Variants in CDH13 observed in about 807,000 individuals in gnomAD.
CDH13 encodes cadherin-13.
CDH13 carries 24 observed loss-of-function variants against 63.8 expected under a neutral mutation model. The ratio of observed to expected loss-of-function variants is 0.38; its 90% CI spans 0.27 to 0.53. The LOEUF (loss-of-function observed/expected upper bound fraction) is 0.53. Ranked by LOEUF, CDH13 falls within the 20% of genes least tolerant of loss-of-function variation. CDH13 has a pLI of 0.85. For missense variants in CDH13, 1,049 were observed against 903.1 expected, an observed-to-expected ratio of 1.16 and a Z score of -2.07; for synonymous variants, 503 against 355.3, an observed-to-expected ratio of 1.42 and a Z score of -4.67.
At chr16:83,239,844 C>T (rs1904304509) in intron 5 of CDH13, among the ~76,000 whole-genome samples, 1 of 152,024 alleles carries the variant, frequency 6.6e-6, no homozygotes, top group Non-Finnish European at 1.5e-5. Flanking sequence ...TTAAACAGGA[C>T]CAGGAGGATG....
intron 3 of CDH13, among the ~76,000 whole-genome samples, chr16:83,125,135 C>G (rs1299119123): frequency 6.6e-6 from 1 of 152,176 alleles, no homozygotes; most frequent in African/African-American, 2.4e-5. Context: ...TAAATCAAGA[C>G]TGTCATTGTG....
At chr16:83,121,753 G>A (rs1488183702) in intron 3 of CDH13, among the ~76,000 whole-genome samples, 1 of 152,152 alleles carries the variant, frequency 6.6e-6, no homozygotes, top group South Asian at 2.1e-4. Context: ...GTTTGGATGG[G>A]TTCCTAGCAG....
At chr16:83,426,756 C>A (rs752363892) in intron 6 of CDH13, among the ~76,000 whole-genome samples, 20 of 151,996 alleles carry the variant, frequency 1.3e-4, no homozygotes, top group South Asian at 1.0e-3. Context: ...GATTATGAGC[C>A]CCTCCCACTT....
In CDH13 at chr16:83,535,546, A is replaced by G. The variant is rs572960072; in HGVS notation, c.960+48891A>G. Among the ~76,000 whole-genome samples the G allele has an allele frequency of 7.5e-4, 115 of 152,324 alleles. No homozygotes were observed. In the Middle Eastern group the frequency reaches 0.014, roughly 18 times the overall value. The stretch of plus-strand genomic sequence containing the variant: ...AGGCATCTGTGACTTACAGCTGACC[A>G]GCTCTGCTTTGCTACTTCATTCGTT... On this transcript the variant is annotated intron_variant, in intron 7 of 13. Coordinates refer to ENST00000567109, the MANE Select transcript of CDH13 (RefSeq NM_001257.5).
chr16:82,733,468 A>G (rs1466557516), intron 1 of CDH13, among the ~76,000 whole-genome samples: 2 of 152,214 alleles, frequency 1.3e-5, no homozygotes, highest in African/African-American at 4.8e-5. Context: ...TTCTCTGGGA[A>G]GAATACTAAC....
intron 6 of CDH13, among the ~76,000 whole-genome samples, chr16:83,458,505 A>G (rs895930597): frequency 6.6e-6 from 1 of 152,174 alleles, no homozygotes; most frequent in African/African-American, 2.4e-5. Flanking sequence ...TTACAAACCT[A>G]TGGAGTTATA....
rs535901539 is a variant in CDH13 at position 83,598,808 on chromosome 16, G to T, written c.961-3646G>T. ...TCATTCTCAGGTTGACTTTCTTTGT[G>T]TGGTTACAGGTGGCCACTACTAGCT... On this transcript the variant is annotated intron_variant, in intron 7 of 13. Coordinates refer to ENST00000567109, the MANE Select transcript of CDH13 (RefSeq NM_001257.5). 4.6e-5 allele frequency among the ~76,000 whole-genome samples: 7 copies of T among 152,258 alleles called. No homozygotes were observed. In the East Asian group the frequency reaches 1.3e-3, roughly 29 times the overall value.
In CDH13 at chr16:82,841,216, T is replaced by C. The variant is rs917063033; in HGVS notation, c.46-17146T>C. Reference sequence around the variant, plus strand: ...TCGGTGAAAATCCCTGATATTTGAATGGCAGCCTCTGCAAGCTAAAGGCCA... The same window carrying C: ...TCGGTGAAAATCCCTGATATTTGAACGGCAGCCTCTGCAAGCTAAAGGCCA... On this transcript the variant is annotated intron_variant, in intron 1 of 13. Coordinates refer to ENST00000567109, the MANE Select transcript of CDH13 (RefSeq NM_001257.5). Among the ~76,000 whole-genome samples, 6 of 152,300 alleles carry C rather than the reference T, an allele frequency of 3.9e-5. No individual in the cohort carries two copies. The East Asian group carries it at 1.2e-3, about 29-fold the overall frequency.
intron 13 of CDH13, among the ~76,000 whole-genome samples, chr16:83,792,582 G>C (rs1423179142): frequency 6.6e-6 from 1 of 152,224 alleles, no homozygotes; most frequent in African/African-American, 2.4e-5. Context: ...CTAGTGGATG[G>C]AGGGTAAGGG....
chr16:82,710,206 C>G lies in CDH13; in HGVS notation c.45+83069C>G, dbSNP rs1053988885. Among the ~76,000 whole-genome samples the G allele has an allele frequency of 1.8e-4, 26 of 142,336 alleles. 1 individual carries two copies. Among genetic ancestry groups the G allele is most frequent in the Admixed American group, 1.7e-3 (24 of 14,106 alleles). 93.4% of individuals were successfully genotyped at this position (142,336 alleles called of 152,430 possible). A position where few individuals can be genotyped will look rare whatever the true frequency, so the allele number is the denominator to read the frequency against. ...AATTAAATTTATTATTTATATATTA[C>G]ATTAATTTATATTTATATTCATAAA... On this transcript the variant is annotated intron_variant, in intron 1 of 13. Transcript: ENST00000567109.
At chr16:83,194,935 A>G (rs2038833909) in intron 4 of CDH13, among the ~76,000 whole-genome samples, 2 of 152,192 alleles carry the variant, frequency 1.3e-5, no homozygotes, top group African/African-American at 4.8e-5. Context: ...ATACAAACCC[A>G]TAACACCATG....
rs148123330 is a variant in CDH13, at chr16:83,148,818, A to G, written c.483+23317A>G. On this transcript the variant is annotated intron_variant, in intron 4 of 13. Transcript: ENST00000567109. ...TATCCTCAAAGACACTATTTAACTC[A>G]TTCAAAAATATTTACTCTTTTTTAA... Among the ~76,000 whole-genome samples the G allele has an allele frequency of 8.9e-4, 136 of 152,286 alleles. 2 individuals are homozygous for G. In the East Asian group the frequency reaches 0.023, roughly 26 times the overall value.
At chr16:83,506,322 T>C (rs568825105) in intron 7 of CDH13, among the ~76,000 whole-genome samples, 62 of 152,312 alleles carry the variant, frequency 4.1e-4, no homozygotes, top group Non-Finnish European at 6.6e-4. Context: ...AAGGGACTTA[T>C]TGGTGGGAAT....
intron 8 of CDH13, among the ~76,000 whole-genome samples, chr16:83,647,286 C>G (rs1911919240): frequency 6.8e-6 from 1 of 147,086 alleles, no homozygotes; most frequent in Non-Finnish European, 1.5e-5. Flanking sequence ...GCACTCCAGC[C>G]TGGGTGACAG....
rs114991086 is a variant in CDH13, at chr16:83,598,873, G to T, written c.961-3581G>T. Among the ~76,000 whole-genome samples, 1,057 of 152,274 alleles carry T rather than the reference G, an allele frequency of 6.9e-3. 8 individuals are homozygous for T. The highest frequency in any genetic ancestry group is 0.024 in the African/African-American group (992 of 41,552). ...TAACCACCTCCAAGTTTAACAGAAA[G>T]ATAACTTCCTTTCCCTAAGCGTTCT... On this transcript the variant is annotated intron_variant, in intron 7 of 13. Transcript: ENST00000567109.
chr16:83,323,204 T>TTCTC (rs2090276526), intron 5 of CDH13, among the ~76,000 whole-genome samples: 1 of 147,584 alleles, frequency 6.8e-6, no homozygotes, highest in Non-Finnish European at 1.5e-5. Flanking sequence ...CTTTCTTTCT[T>TTCTC]TCTTTCTTTC....
intron 1 of CDH13, among the ~76,000 whole-genome samples, chr16:82,725,930 G>C (rs2033070745): frequency 6.6e-6 from 1 of 152,078 alleles, no homozygotes; most frequent in South Asian, 2.1e-4. Context: ...GAGTTTTCTT[G>C]GCTAAGATGG....
chr16:83,506,196 G>C (rs1324795880), intron 7 of CDH13, among the ~76,000 whole-genome samples: 2 of 152,180 alleles, frequency 1.3e-5, no homozygotes, highest in Non-Finnish European at 2.9e-5. Flanking sequence ...TCTTCATTAA[G>C]GCCTGAAGGA....
chr16:82,764,522 C>G (rs1401893098), intron 1 of CDH13, among the ~76,000 whole-genome samples: 1 of 152,064 alleles, frequency 6.6e-6, no homozygotes, highest in Non-Finnish European at 1.5e-5. Context: ...AGTTTGAGAT[C>G]TAATATACAG....
Sources: gnomAD v4.1 joint callset for allele counts (sites outside exome capture counted in the v4.1 genomes callset) on GRCh38, gnomAD v4.1.1 for gene constraint, MANE v1.5 for transcripts, NCBI Gene and HGNC (gene_info 2026-07-23, HGNC 2026-07-21) for gene names.